COL4A4: variants seen among roughly 807,000 people sequenced by gnomAD.
COL4A4 encodes collagen type IV alpha 4 chain, also known as collagen alpha-4(IV) chain.
COL4A4 carries 105 observed loss-of-function variants against 192.9 expected under a neutral mutation model. The ratio of observed to expected loss-of-function variants is 0.54; its 90% CI spans 0.46 to 0.64. The LOEUF is 0.64. Among genes scored for constraint, COL4A4 ranks in the 30% least tolerant of loss-of-function variants. COL4A4 has a pLI of 0.00. For synonymous variants in COL4A4, 762 were observed against 769.9 expected (o/e 0.99, Z 0.17); for missense variants, 1,967 against 2,169.3 (o/e 0.91, Z 1.85).
intron 24 of COL4A4, among the ~76,000 whole-genome samples, chr2:227,080,004 G>T (rs866320465): frequency 6.6e-6 from 1 of 152,028 alleles, no homozygotes; most frequent in African/African-American, 2.4e-5. Context: ...TGACTCTGTG[G>T]GTTTGCACGA....
chr2:227,107,341 C>T (rs1051631511), intron 12 of COL4A4, among the ~76,000 whole-genome samples: 1 of 152,128 alleles, frequency 6.6e-6, no homozygotes, highest in African/African-American at 2.4e-5. Flanking sequence ...ACAGGACAGC[C>T]TCCACAACAA....
intron 26 of COL4A4, 74 bp downstream of exon 26, chr2:227,062,456 G>T: frequency 1.0e-6 from 1 of 958,758 alleles, no homozygotes; most frequent in Non-Finnish European, 1.7e-6. Flanking sequence ...TTCACTCTTG[G>T]TTTATCTGTC....
intron 19 of COL4A4, among the ~76,000 whole-genome samples, chr2:227,095,556 C>T (rs960543862): frequency 3.3e-5 from 5 of 152,172 alleles, no homozygotes; most frequent in African/African-American, 9.7e-5. Context: ...AATCCTGCTT[C>T]CCCTTGACAT....
At chr2:227,028,116 G>A (rs1967386667) in intron 41 of COL4A4, 107 bp from the exon 42 acceptor site, 1 of 817,358 alleles carries the variant, frequency 1.2e-6, no homozygotes, top group Non-Finnish European at 2.0e-6. Context: ...CAAAATGCAG[G>A]GCATAGCTAG....
rs765598271 is a variant in COL4A4 at position 227,059,661 on chromosome 2, G to A, written c.2165-38C>T. On this transcript the variant is annotated intron_variant, in intron 27 of 47. Coordinates refer to ENST00000396625, the MANE Select transcript of COL4A4 (RefSeq NM_000092.5). ...AAAAAAAAATTTTTAATGATAACAT[G>A]TGCAAGTATAGAACCAATACATATA... The A allele has an allele frequency of 1.0e-5, 15 of 1,469,132 alleles. No individual in the cohort carries two copies. In the Admixed American group the frequency reaches 2.5e-4, roughly 25 times the overall value. The allele number at this position is 1,469,132 out of a possible 1,614,324, so 91.0% of individuals were successfully genotyped here.
Position 227,057,614 on chromosome 2 carries a change from A to G in COL4A4, c.2384-14T>C, listed in dbSNP as rs1420821966. On this transcript the variant is annotated splice_polypyrimidine_tract_variant and intron_variant, in intron 28 of 47. Coordinates refer to ENST00000396625, the MANE Select transcript of COL4A4 (RefSeq NM_000092.5). ...TGCCAGCTGGCCCTGAAATGATACAATACATCCATGACATTCATGACAAAA... is the reference window on the plus strand; with the variant it reads ...TGCCAGCTGGCCCTGAAATGATACAGTACATCCATGACATTCATGACAAAA... 6.2e-7 allele frequency: 1 copy of G among 1,613,844 alleles called. No homozygotes were observed. Among genetic ancestry groups the G allele is most frequent in the Admixed American group, 1.7e-5 (1 of 60,014 alleles).
At chr2:226,981,197 T>G in the COL4A4 span, among the ~76,000 whole-genome samples, 2 of 152,006 alleles carry the variant, frequency 1.3e-5, no homozygotes, top group African/African-American at 4.8e-5. Flanking sequence ...GTGGGGAACA[T>G]CATACACTGG....
the COL4A4 span, among the ~76,000 whole-genome samples, chr2:226,991,860 C>T: frequency 6.6e-6 from 1 of 152,168 alleles, no homozygotes; most frequent in Admixed American, 6.5e-5. Context: ...ACGTATGAGT[C>T]AACTGGACAC....
At chr2:227,041,416 G>C (rs902720998) in intron 37 of COL4A4, among the ~76,000 whole-genome samples, 1 of 151,876 alleles carries the variant, frequency 6.6e-6, no homozygotes, top group Non-Finnish European at 1.5e-5. Context: ...GAGGCGGGTG[G>C]ATCATTTGAG....
chr2:227,089,321 T>C (rs1048279136), intron 21 of COL4A4, among the ~76,000 whole-genome samples: 2 of 151,994 alleles, frequency 1.3e-5, no homozygotes, highest in African/African-American at 4.8e-5. Flanking sequence ...TTATCAGGAC[T>C]TTTTGTCTTA....
chr2:227,129,839 A>T (rs1188429757), intron 4 of COL4A4, among the ~76,000 whole-genome samples: 2 of 152,196 alleles, frequency 1.3e-5, no homozygotes, highest in Non-Finnish European at 2.9e-5. Context: ...AAACTTCCAC[A>T]ATTAAAATGA....
chr2:227,098,210 G>GCAA (rs1269270122), intron 19 of COL4A4, among the ~76,000 whole-genome samples: 1 of 152,236 alleles, frequency 6.6e-6, no homozygotes, highest in East Asian at 1.9e-4. Flanking sequence ...CAAGGGATTA[G>GCAA]GTGAATGTAC....
chr2:227,121,427 T>C (rs1419218969), intron 4 of COL4A4, among the ~76,000 whole-genome samples: 2 of 151,388 alleles, frequency 1.3e-5, no homozygotes, highest in Non-Finnish European at 2.9e-5. Context: ...TAGCTGGGCA[T>C]GGTGGCGTGG....
intron 3 of COL4A4, among the ~76,000 whole-genome samples, chr2:227,140,921 A>C (rs186528059): frequency 7.1e-5 from 9 of 126,092 alleles, no homozygotes; most frequent in South Asian, 2.6e-4. Context: ...ACACACACAC[A>C]CCCTTTAGGA....
At chr2:227,116,029 A>G (rs1204476939) in intron 7 of COL4A4, among the ~76,000 whole-genome samples, 1 of 152,258 alleles carries the variant, frequency 6.6e-6, no homozygotes, top group Non-Finnish European at 1.5e-5. Context: ...TCAATGACTG[A>G]GAGGACGACT....
chr2:227,057,386 A>C, intron 29 of COL4A4, 53 bp downstream of exon 29: 12 of 1,548,862 alleles, frequency 7.7e-6, no homozygotes, highest in Non-Finnish European at 1.0e-5. Context: ...AGGGGAGCTT[A>C]TTTAATTGTA....
At chr2:227,097,036 A>G (rs991023248) in intron 19 of COL4A4, among the ~76,000 whole-genome samples, 6 of 152,318 alleles carry the variant, frequency 3.9e-5, no homozygotes, top group African/African-American at 1.4e-4. Flanking sequence ...TTAGAACAAA[A>G]TGAAAATGAG....
chr2:227,138,697 TGAA>T (rs1322600745), intron 4 of COL4A4, among the ~76,000 whole-genome samples: 1 of 151,834 alleles, frequency 6.6e-6, no homozygotes, highest in Non-Finnish European at 1.5e-5. Flanking sequence ...TTTGATGTAC[TGAA>T]GAAGGAACAA....
intron 1 of COL4A4, among the ~76,000 whole-genome samples, chr2:227,156,118 G>A (rs1262948586): frequency 6.6e-6 from 1 of 152,022 alleles, no homozygotes; most frequent in Non-Finnish European, 1.5e-5. Flanking sequence ...TAAAAACCCG[G>A]CCGGGTGTGG....
Sources: gnomAD v4.1 joint callset for allele counts (sites outside exome capture counted in the v4.1 genomes callset) on GRCh38, gnomAD v4.1.1 for gene constraint, MANE v1.5 for transcripts, NCBI Gene and HGNC (gene_info 2026-07-23, HGNC 2026-07-21) for gene names.